Variants in PTPRD observed in about 807,000 individuals in gnomAD.
PTPRD encodes protein tyrosine phosphatase receptor type D, also known as receptor-type tyrosine-protein phosphatase delta.
Under a neutral mutation model 214.5 loss-of-function variants are expected in PTPRD, and 34 were observed. That is an observed-to-expected ratio of 0.16 (90% CI 0.12 to 0.21). The LOEUF (loss-of-function observed/expected upper bound fraction) is 0.21, where lower values mean the gene tolerates loss of function less well. Ranked by LOEUF, PTPRD falls within the 10% of genes least tolerant of loss-of-function variation. The pLI is 1.00. For synonymous variants in PTPRD, 1,128 were observed against 845.7 expected, an observed-to-expected ratio of 1.33 and a Z score of -5.79; for missense variants, 2,545 against 2,398.7, an observed-to-expected ratio of 1.06 and a Z score of -1.27.
intron 2 of PTPRD, among the ~76,000 whole-genome samples, chr9:10,372,836 C>CATT (rs6150914): frequency 0.14 from 20,824 of 146,502 alleles, 1,560 homozygotes; most frequent in South Asian, 0.2. Context: ...TGTTTTTATA[C>CATT]ATTATTATTA....
intron 2 of PTPRD, among the ~76,000 whole-genome samples, chr9:10,452,913 G>A (rs987904690): frequency 6.6e-6 from 1 of 151,638 alleles, no homozygotes; most frequent in Admixed American, 6.6e-5. Flanking sequence ...GCATATCAAT[G>A]AGCATTTCTC....
At position 8,708,239 on chromosome 9, in the gene PTPRD, G is replaced by A. The variant is rs529253765; in HGVS notation, c.64+25541C>T. Among the ~76,000 whole-genome samples, 8 of 152,266 alleles carry A rather than the reference G, an allele frequency of 5.3e-5. No homozygotes were observed. In the East Asian group the frequency reaches 1.5e-3, roughly 29 times the overall value. ...AGTTATTTAATATCACCTCATGTCT[G>A]TTAGAGTGGTTGTTATCAAATAACA... On this transcript the variant is annotated intron_variant, in intron 12 of 45. Coordinates refer to ENST00000381196, the MANE Select transcript of PTPRD (RefSeq NM_002839.4).
chr9:9,799,872 A>G (rs1415700407), intron 5 of PTPRD, among the ~76,000 whole-genome samples: 2 of 151,740 alleles, frequency 1.3e-5, no homozygotes, highest in African/African-American at 2.4e-5. Context: ...TTCTTTTTGA[A>G]CTCTGATTAA....
intron 4 of PTPRD, among the ~76,000 whole-genome samples, chr9:9,995,831 G>A (rs1400667344): frequency 6.6e-6 from 1 of 151,994 alleles, no homozygotes; most frequent in African/African-American, 2.4e-5. Flanking sequence ...GTGGTAAAAT[G>A]CTCTGTAAAC....
At chr9:9,340,245 A>C (rs1381368157) in intron 9 of PTPRD, among the ~76,000 whole-genome samples, 1 of 152,162 alleles carries the variant, frequency 6.6e-6, no homozygotes. Context: ...AAGACAGAAA[A>C]ACAGATGTTG....
rs1001421909 is a variant in PTPRD at position 9,760,605 on chromosome 9, C to T, written c.-326+6205G>A. 5.5e-4 allele frequency among the ~76,000 whole-genome samples: 16 copies of T among 29,096 alleles called. No individual in the cohort carries two copies. The African/African-American group carries it at 7.5e-3, about 14-fold the overall frequency. 19.1% of individuals were successfully genotyped at this position (29,096 alleles called of 152,430 possible). A position where few individuals can be genotyped will look rare whatever the true frequency, so the allele number is the denominator to read the frequency against. On this transcript the variant is annotated intron_variant, in intron 6 of 45. Coordinates refer to ENST00000381196, the MANE Select transcript of PTPRD (RefSeq NM_002839.4). ...CATCTTTACTCAGCTATCATACACA[C>T]ACACACACACACACACACACACACA... is the stretch of plus-strand genomic sequence containing the variant.
At chr9:10,408,490 CA>C (rs1446012398) in intron 2 of PTPRD, among the ~76,000 whole-genome samples, 2 of 151,630 alleles carry the variant, frequency 1.3e-5, no homozygotes, top group Non-Finnish European at 2.9e-5. Context: ...CAAGTTCATC[CA>C]GCTAGGAATT....
At position 9,925,869 on chromosome 9, in the gene PTPRD, C is replaced by A. The variant is rs2084110834; in HGVS notation, c.-368+12638G>T. ...TTTGAGTTAGGGTCTGGCTTTATCA[C>A]CCAGGCTAGAGTACAGTGTCATGGT... On this transcript the variant is annotated intron_variant, in intron 5 of 45. Coordinates refer to ENST00000381196, the MANE Select transcript of PTPRD (RefSeq NM_002839.4). 2.6e-5 allele frequency among the ~76,000 whole-genome samples: 4 copies of A among 152,066 alleles called. No individual in the cohort carries two copies. The South Asian group carries it at 8.3e-4, about 31-fold the overall frequency.
chr9:9,068,464 A>G (rs2099738573), intron 10 of PTPRD, among the ~76,000 whole-genome samples: 1 of 152,110 alleles, frequency 6.6e-6, no homozygotes. Context: ...CCAACAATGC[A>G]TATGCAATCT....
Position 10,470,804 on chromosome 9 carries a change from A to G in PTPRD, c.-599-129787T>C, listed in dbSNP as rs538267682. On this transcript the variant is annotated intron_variant, in intron 2 of 45. Coordinates refer to ENST00000381196, the MANE Select transcript of PTPRD (RefSeq NM_002839.4). ...ATCTTTAGTATCAGTTCTCAAAAGG[A>G]AACAGGAGTGGTGGAGGGTATCAGA... Among the ~76,000 whole-genome samples the G allele has an allele frequency of 5.3e-5, 8 of 152,288 alleles. No individual in the cohort carries two copies. In the South Asian group the frequency reaches 1.7e-3, roughly 32 times the overall value.
chr9:9,013,344 C>A (rs1427555839), intron 11 of PTPRD, among the ~76,000 whole-genome samples: 1 of 152,064 alleles, frequency 6.6e-6, no homozygotes, highest in Non-Finnish European at 1.5e-5. Context: ...GAATGCTGCA[C>A]TGACATTGTT....
chr9:8,744,833 C>A (rs966752028), intron 11 of PTPRD, among the ~76,000 whole-genome samples: 1 of 152,160 alleles, frequency 6.6e-6, no homozygotes, highest in South Asian at 2.1e-4. Context: ...ACATTATAAT[C>A]CCAACGTTGT....
intron 2 of PTPRD, among the ~76,000 whole-genome samples, chr9:10,497,511 C>G (rs1351366631): frequency 6.6e-6 from 1 of 151,934 alleles, no homozygotes; most frequent in Non-Finnish European, 1.5e-5. Context: ...GGTTTTCAGA[C>G]ATATATAAAT....
intron 10 of PTPRD, among the ~76,000 whole-genome samples, chr9:9,020,831 A>G (rs2099566295): frequency 6.6e-6 from 1 of 152,146 alleles, no homozygotes; most frequent in Admixed American, 6.5e-5. Flanking sequence ...GAGAATAGAT[A>G]AAAGCACCCA....
At chr9:10,347,873 C>A (rs2097114502) in intron 2 of PTPRD, among the ~76,000 whole-genome samples, 1 of 151,956 alleles carries the variant, frequency 6.6e-6, no homozygotes, top group African/African-American at 2.4e-5. Context: ...GCCTGGCCAA[C>A]ATAGGGAAAA....
intron 9 of PTPRD, among the ~76,000 whole-genome samples, chr9:9,303,168 C>T (rs1382309939): frequency 6.6e-6 from 1 of 151,994 alleles, no homozygotes; most frequent in African/African-American, 2.4e-5. Flanking sequence ...AACATATTCG[C>T]AATGCAAACA....
At chr9:9,710,001 T>C (rs1036444916) in intron 7 of PTPRD, among the ~76,000 whole-genome samples, 32 of 152,178 alleles carry the variant, frequency 2.1e-4, no homozygotes, top group Non-Finnish European at 2.9e-5. Flanking sequence ...AATAGCATCA[T>C]GCTGATTACA....
intron 2 of PTPRD, among the ~76,000 whole-genome samples, chr9:10,392,477 A>C (rs902525009): frequency 6.6e-6 from 1 of 151,890 alleles, no homozygotes; most frequent in Non-Finnish European, 1.5e-5. Flanking sequence ...CAGTTATGTA[A>C]CATCATTCCT....
intron 5 of PTPRD, among the ~76,000 whole-genome samples, chr9:9,781,102 T>A (rs1298663873): frequency 6.6e-6 from 1 of 152,132 alleles, no homozygotes; most frequent in African/African-American, 2.4e-5. Context: ...GCTTGATGCT[T>A]TCATGGTGGA....
Sources: gnomAD v4.1 joint callset for allele counts (sites outside exome capture counted in the v4.1 genomes callset) on GRCh38, gnomAD v4.1.1 for gene constraint, MANE v1.5 for transcripts, NCBI Gene and HGNC (gene_info 2026-07-23, HGNC 2026-07-21) for gene names.